Variants in PRKN observed in about 807,000 individuals in gnomAD.
PRKN encodes the protein E3 ubiquitin-protein ligase parkin.
In PRKN, 56 loss-of-function variants were observed where a neutral mutation model predicts 59.5. That is an observed-to-expected ratio of 0.94 (90% CI 0.76 to 1.18). PRKN has a LOEUF of 1.18. Among genes scored for constraint, PRKN ranks in the 50% most tolerant of loss-of-function variants. The pLI is 0.00. For synonymous variants in PRKN, 250 were observed against 222.1 expected, an observed-to-expected ratio of 1.13 and a Z score of -1.12; for missense variants, 657 against 596.4, an observed-to-expected ratio of 1.10 and a Z score of -1.06.
intron 7 of PRKN, among the ~76,000 whole-genome samples, chr6:161,768,421 G>A (rs1461413967): frequency 6.6e-6 from 1 of 152,108 alleles, no homozygotes; most frequent in Non-Finnish European, 1.5e-5. Context: ...CACTGGCCTA[G>A]ATCAGTGCTC....
intron 7 of PRKN, among the ~76,000 whole-genome samples, chr6:161,774,547 TG>T (rs1789840367): frequency 6.6e-6 from 1 of 152,138 alleles, no homozygotes; most frequent in South Asian, 2.1e-4. Context: ...TGTGGTGTGC[TG>T]CTTGCTCTTC....
rs145856900 is a variant in PRKN, at chr6:162,084,608, A to T, written c.535-30434T>A. Among the ~76,000 whole-genome samples the T allele has an allele frequency of 2.6e-3, 398 of 152,270 alleles. 9 individuals carry two copies. Among genetic ancestry groups the T allele is most frequent in the African/African-American group, 8.9e-3 (371 of 41,508 alleles). ...ATTGTGTTATACTGTTGCTATAGCT[A>T]TGCAGATTATCTGAGAGATACCTGA... On this transcript the variant is annotated intron_variant, in intron 4 of 11. Coordinates refer to ENST00000366898, the MANE Select transcript of PRKN (RefSeq NM_004562.3).
intron 6 of PRKN, among the ~76,000 whole-genome samples, chr6:161,823,186 C>G (rs934246161): frequency 6.6e-6 from 1 of 151,798 alleles, no homozygotes; most frequent in Non-Finnish European, 1.5e-5. Context: ...ATCCCTCTGC[C>G]TTGTTCCCCC....
chr6:162,314,444 CACT>C (rs1782661056), intron 2 of PRKN, among the ~76,000 whole-genome samples: 1 of 152,000 alleles, frequency 6.6e-6, no homozygotes, highest in Admixed American at 6.6e-5. Context: ...GACTTCTGAC[CACT>C]GTTCTAATTT....
intron 6 of PRKN, among the ~76,000 whole-genome samples, chr6:161,849,462 T>C (rs536479048): frequency 1.1e-3 from 171 of 152,296 alleles, no homozygotes; most frequent in Non-Finnish European, 2.1e-3. Flanking sequence ...GAAAAAATAA[T>C]AATTTCTTCA....
chr6:162,165,748 A>G (rs1782948790), intron 4 of PRKN, among the ~76,000 whole-genome samples: 1 of 136,838 alleles, frequency 7.3e-6, no homozygotes. Flanking sequence ...ACTGCAGGAC[A>G]TTTACTCAAG....
intron 9 of PRKN, among the ~76,000 whole-genome samples, chr6:161,501,921 G>A (rs144404744): frequency 1.1e-3 from 173 of 152,256 alleles, no homozygotes; most frequent in African/African-American, 4.0e-3. Context: ...ATAACCCTAC[G>A]TTTCTAAGAT....
At position 161,397,731 on chromosome 6, in the gene PRKN, C is replaced by T. The variant is rs1290962109; in HGVS notation, c.1084-10854G>A. Among the ~76,000 whole-genome samples, 1 of 152,142 alleles carries T rather than the reference C, an allele frequency of 6.6e-6. No homozygotes were observed. The highest frequency in any genetic ancestry group is 1.9e-4 in the East Asian group (1 of 5,190). Reference sequence around the variant, plus strand: ...GTAGTAGCTGGAAAAGCCTCAACTTCTGAGAAGCAGAAGAGGATAGCACAG... The same window carrying T: ...GTAGTAGCTGGAAAAGCCTCAACTTTTGAGAAGCAGAAGAGGATAGCACAG... On this transcript the variant is annotated intron_variant, in intron 9 of 11. Coordinates refer to ENST00000366898, the MANE Select transcript of PRKN (RefSeq NM_004562.3). The surrounding 1 kb of genome is among the most constrained non-coding windows in gnomAD (Gnocchi z 4.2).
chr6:162,147,539 T>C (rs2128312723), intron 4 of PRKN, among the ~76,000 whole-genome samples: 1 of 152,196 alleles, frequency 6.6e-6, no homozygotes, highest in African/African-American at 2.4e-5. Flanking sequence ...TTAAAGCAGA[T>C]CCAGCCTAGT....
At chr6:162,526,677 A>G (rs1778299397) in intron 1 of PRKN, among the ~76,000 whole-genome samples, 1 of 152,132 alleles carries the variant, frequency 6.6e-6, no homozygotes, top group Admixed American at 6.5e-5. Context: ...GACCAAAGTA[A>G]TAAAAGTCCA....
At chr6:162,280,609 G>A (rs957359549) in intron 2 of PRKN, among the ~76,000 whole-genome samples, 4 of 151,906 alleles carry the variant, frequency 2.6e-5, no homozygotes, top group Non-Finnish European at 5.9e-5. Context: ...TGGCCAACAT[G>A]GTGAAACCCC....
intron 2 of PRKN, among the ~76,000 whole-genome samples, chr6:162,352,105 C>T (rs576748607): frequency 9.1e-4 from 139 of 152,156 alleles, no homozygotes; most frequent in Middle Eastern, 6.8e-3. Flanking sequence ...ATATTGACAG[C>T]GGGGTTCAAA....
At chr6:161,998,429 G>T (rs1429536769) in intron 5 of PRKN, among the ~76,000 whole-genome samples, 1 of 152,020 alleles carries the variant, frequency 6.6e-6, no homozygotes, top group African/African-American at 2.4e-5. Context: ...CTACACATAT[G>T]AAAACCCCCA....
At chr6:162,020,385 T>C (rs1427275244) in intron 5 of PRKN, among the ~76,000 whole-genome samples, 2 of 96,882 alleles carry the variant, frequency 2.1e-5, no homozygotes, top group Non-Finnish European at 4.7e-5. Context: ...AACATACAAA[T>C]GATGTCTGAA....
intron 6 of PRKN, among the ~76,000 whole-genome samples, chr6:161,890,001 G>C (rs1795283366): frequency 6.6e-6 from 1 of 152,164 alleles, no homozygotes; most frequent in Admixed American, 6.5e-5. Flanking sequence ...ACGCATTCGA[G>C]GAGCAGCTGG....
intron 2 of PRKN, among the ~76,000 whole-genome samples, chr6:162,341,685 C>T (rs1196640198): frequency 2.0e-5 from 3 of 151,998 alleles, no homozygotes; most frequent in African/African-American, 7.3e-5. Flanking sequence ...CATGTTCCCA[C>T]TCATAAGTGG....
chr6:161,758,935 T>C (rs1020651143), intron 7 of PRKN, among the ~76,000 whole-genome samples: 4 of 152,114 alleles, frequency 2.6e-5, no homozygotes, highest in African/African-American at 7.2e-5. Flanking sequence ...TCCTAGCACT[T>C]TGGGAGGCCG....
At chr6:161,595,391 GA>G (rs1182695947) in intron 7 of PRKN, among the ~76,000 whole-genome samples, 1 of 152,118 alleles carries the variant, frequency 6.6e-6, no homozygotes, top group Non-Finnish European at 1.5e-5. Flanking sequence ...TCAAGCTCAA[GA>G]AAAGTATGAA....
intron 1 of PRKN, among the ~76,000 whole-genome samples, chr6:162,444,050 T>C (rs12209574): frequency 0.25 from 37,339 of 151,510 alleles, 4,588 homozygotes; most frequent in African/African-American, 0.27. Flanking sequence ...AGGGAGGGGG[T>C]GGAGACACTA....
Sources: allele counts gnomAD v4.1 joint callset (sites outside exome capture counted in the v4.1 genomes callset), GRCh38; gene constraint gnomAD v4.1.1; non-coding constraint Gnocchi (gnomAD v3.1); transcripts MANE v1.5; gene names NCBI Gene and HGNC (gene_info 2026-07-23, HGNC 2026-07-21).